The following CARNMT1 variants were observed in gnomAD, a reference collection of about 807,000 sequenced individuals.
CARNMT1 encodes carnosine N-methyltransferase 1.
In CARNMT1, 28 loss-of-function variants were observed where a neutral mutation model predicts 49.6. That is an observed-to-expected ratio of 0.56 (90% CI 0.42 to 0.77). The LOEUF is 0.77. CARNMT1 is among the 30% of genes least tolerant of loss of function. The probability of loss-of-function intolerance (pLI) is 0.00; values close to 1 mark genes in which losing one functional copy is unlikely to be tolerated. For missense variants in CARNMT1, 421 were observed against 512.6 expected (o/e 0.82, Z 1.73); for synonymous variants, 178 against 175.0 (o/e 1.02, Z -0.13).
intron 3 of CARNMT1, among the ~76,000 whole-genome samples, chr9:75,014,779 G>A (rs918448631): frequency 4.6e-5 from 7 of 151,960 alleles, no homozygotes; most frequent in African/African-American, 7.3e-5. Context: ...CCCAGGAGGC[G>A]GAGGTTGCAG....
At chr9:75,024,653 T>C (rs116369290) in intron 1 of CARNMT1, among the ~76,000 whole-genome samples, 1,549 of 152,290 alleles carry the variant, frequency 0.01, 19 homozygotes, top group African/African-American at 0.025. Context: ...TGAAACCCAT[T>C]AGAAAGAGAA....
chr9:75,026,495 G>A (rs1021490326), intron 1 of CARNMT1, among the ~76,000 whole-genome samples: 3 of 152,168 alleles, frequency 2.0e-5, no homozygotes, highest in Admixed American at 6.6e-5. Context: ...GATGTTAGCT[G>A]CCTTTCCTAA....
At chr9:75,022,057 A>G (rs538029356) in intron 1 of CARNMT1, among the ~76,000 whole-genome samples, 1 of 152,210 alleles carries the variant, frequency 6.6e-6, no homozygotes, top group South Asian at 2.1e-4. Flanking sequence ...ATTCCATCTT[A>G]GGTAACCATC....
Position 74,981,922 on chromosome 9 carries a change from C to G in CARNMT1, c.*1845G>C, listed in dbSNP as rs1435562147. 2.0e-5 allele frequency: 3 copies of G among 147,318 alleles called. No homozygotes were observed. The South Asian group carries it at 6.3e-4, about 31-fold the overall frequency. 9.1% of individuals were successfully genotyped at this position (147,318 alleles called of 1,614,324 possible). ...AAACAATAATTTGAGTTTTTTTTTT[C>G]TTCCTTGCCACTAAATTCAAACTCA... On this transcript the variant is annotated 3_prime_UTR_variant, in exon 8 of 8. Coordinates refer to ENST00000376834, the MANE Select transcript of CARNMT1 (RefSeq NM_152420.3).
At position 74,982,758 on chromosome 9, in the gene CARNMT1, CATTT is replaced by C. The variant is rs1289705263; in HGVS notation, c.*1005_*1008del. On this transcript the variant is annotated 3_prime_UTR_variant, in exon 8 of 8. Coordinates refer to ENST00000376834, the MANE Select transcript of CARNMT1 (RefSeq NM_152420.3). ...ACATCACACTGTCAAACTCTGTATT[CATTT>C]AGAGTCTGAAAATCACATATTTCAA... 1 of 152,054 alleles carries C rather than the reference CATTT, an allele frequency of 6.6e-6. No homozygotes were observed. Among genetic ancestry groups the C allele is most frequent in the Non-Finnish European group, 1.5e-5 (1 of 67,992 alleles). The allele number at this position is 152,054 out of a possible 1,614,324, so 9.4% of individuals were successfully genotyped here.
chr9:74,998,342 T>C (rs1019922336), intron 5 of CARNMT1, among the ~76,000 whole-genome samples: 1 of 152,200 alleles, frequency 6.6e-6, no homozygotes, highest in African/African-American at 2.4e-5. Context: ...CATTACTCAT[T>C]TAACCTTTGT....
chr9:75,008,194 A>C (rs1019816400), intron 3 of CARNMT1, among the ~76,000 whole-genome samples: 1 of 144,144 alleles, frequency 6.9e-6, no homozygotes, highest in African/African-American at 2.5e-5. Context: ...AAAAAAAAAA[A>C]AACCCTCATA....
intron 3 of CARNMT1, among the ~76,000 whole-genome samples, chr9:75,004,797 G>A (rs1439900542): frequency 6.6e-6 from 1 of 152,108 alleles, no homozygotes; most frequent in Admixed American, 6.6e-5. Context: ...TCTTTTTGGA[G>A]TGTTTGTGTA....
At chr9:74,984,536 A>T (rs1832770962) in intron 7 of CARNMT1, among the ~76,000 whole-genome samples, 1 of 152,190 alleles carries the variant, frequency 6.6e-6, no homozygotes, top group South Asian at 2.1e-4. Context: ...CGCCTACATA[A>T]TGCCACAAGT....
chr9:75,028,419 G>A (rs1426369150), upstream of CARNMT1: 6 of 1,287,724 alleles, frequency 4.7e-6, no homozygotes, highest in South Asian at 2.6e-5. Context: ...GGTCTTCAGG[G>A]CTCCCAGAAC....
At chr9:75,015,050 T>C (rs906099876) in intron 3 of CARNMT1, among the ~76,000 whole-genome samples, 5 of 152,178 alleles carry the variant, frequency 3.3e-5, no homozygotes, top group Non-Finnish European at 5.9e-5. Context: ...TCGTTAAATA[T>C]ATACCCCTAA....
At chr9:75,014,747 T>A (rs1410387944) in intron 3 of CARNMT1, among the ~76,000 whole-genome samples, 1 of 152,084 alleles carries the variant, frequency 6.6e-6, no homozygotes, top group African/African-American at 2.4e-5. Flanking sequence ...CTCGGGAGGC[T>A]GAGGAACAAG....
chr9:74,984,346 C>A (rs1417601957), intron 7 of CARNMT1, among the ~76,000 whole-genome samples: 1 of 152,192 alleles, frequency 6.6e-6, no homozygotes, highest in Non-Finnish European at 1.5e-5. Context: ...CAGTGAGAGT[C>A]TGTAAGATCA....
chr9:75,017,120 A>G (rs1833877764), intron 2 of CARNMT1, 133 bp downstream of exon 2: 2 of 667,362 alleles, frequency 3.0e-6, no homozygotes, highest in African/African-American at 3.6e-5. Context: ...ATGACTGAAC[A>G]TTTAAGTTAA....
chr9:75,011,693 G>A (rs1449213182), intron 3 of CARNMT1, among the ~76,000 whole-genome samples: 2 of 152,084 alleles, frequency 1.3e-5, no homozygotes, highest in Admixed American at 6.6e-5. Flanking sequence ...ACTGTAAGAC[G>A]GTTGACAGCT....
intron 3 of CARNMT1, among the ~76,000 whole-genome samples, chr9:75,003,427 G>C (rs1377507417): frequency 1.3e-5 from 2 of 152,246 alleles, no homozygotes; most frequent in African/African-American, 4.8e-5. Context: ...CTAAAACGCA[G>C]CCATACTCAC....
chr9:75,022,576 C>A (rs766605502), intron 1 of CARNMT1, among the ~76,000 whole-genome samples: 1 of 152,054 alleles, frequency 6.6e-6, no homozygotes, highest in Non-Finnish European at 1.5e-5. Flanking sequence ...AAAAAGACTC[C>A]ATAAATTTAC....
At chr9:75,022,508 G>A (rs76827781) in intron 1 of CARNMT1, among the ~76,000 whole-genome samples, 1,845 of 152,162 alleles carry the variant, frequency 0.012, 17 homozygotes, top group Middle Eastern at 0.024. Flanking sequence ...ATAGGCGTGA[G>A]CCCCTACACC....
chr9:75,027,890 A>T (rs1030301833), intron 1 of CARNMT1, 122 bp downstream of exon 1: 3 of 1,126,482 alleles, frequency 2.7e-6, no homozygotes, highest in Non-Finnish European at 3.6e-6. Flanking sequence ...CAGCTGCAGC[A>T]GCCGGGTCCC....
Sources: gnomAD v4.1 joint callset for allele counts (sites outside exome capture counted in the v4.1 genomes callset) on GRCh38, gnomAD v4.1.1 for gene constraint, MANE v1.5 for transcripts, NCBI Gene and HGNC (gene_info 2026-07-23, HGNC 2026-07-21) for gene names.